LPAR1: variants seen among roughly 807,000 people sequenced by gnomAD.
LPAR1 encodes lysophosphatidic acid receptor 1, also known as LPA receptor 1.
LPAR1 carries 5 observed loss-of-function variants against 23.8 expected under a neutral mutation model. The observed-to-expected ratio is 0.21, with a 90% confidence interval of 0.11 to 0.44. The LOEUF (loss-of-function observed/expected upper bound fraction) is 0.44. LPAR1 is among the 20% of genes least tolerant of loss of function. LPAR1 has a pLI of 0.99. For missense variants in LPAR1, 311 were observed against 482.8 expected (o/e 0.64, Z 3.33); for synonymous variants, 160 against 164.7 (o/e 0.97, Z 0.22).
Position 110,945,795 on chromosome 9 carries a change from C to T in LPAR1, c.46-3627G>A, listed in dbSNP as rs562348509. Among the ~76,000 whole-genome samples, 157 of 152,238 alleles carry T rather than the reference C, an allele frequency of 1.0e-3. No individual in the cohort carries two copies. In the Middle Eastern group the frequency reaches 0.017, roughly 17 times the overall value. On this transcript the variant is annotated intron_variant, in intron 4 of 5. Coordinates refer to ENST00000683809, the MANE Select transcript of LPAR1 (RefSeq NM_001351411.2). ...GCCCACATCTCTTGGCTCATGGCTA[C>T]CTGTCATCTTCAAAAGCTAGTAATG...
At chr9:110,960,085 T>C in intron 4 of LPAR1, among the ~76,000 whole-genome samples, 1 of 152,178 alleles carries the variant, frequency 6.6e-6, no homozygotes, top group East Asian at 1.9e-4. Context: ...TAACATTCGA[T>C]AGCAGAGTAG....
intron 5 of LPAR1, among the ~76,000 whole-genome samples, chr9:110,899,385 C>A (rs1317936365): frequency 6.6e-6 from 1 of 152,122 alleles, no homozygotes; most frequent in Non-Finnish European, 1.5e-5. Flanking sequence ...TAAATAATAT[C>A]AAGCAGCTAT....
At chr9:111,023,209 C>T (rs2097598609) in intron 2 of LPAR1, among the ~76,000 whole-genome samples, 1 of 152,134 alleles carries the variant, frequency 6.6e-6, no homozygotes, top group Non-Finnish European at 1.5e-5. Context: ...AAGCCACAAA[C>T]AGGAAGGCCT....
intron 2 of LPAR1, among the ~76,000 whole-genome samples, chr9:110,982,722 G>A (rs370271086): frequency 2.0e-5 from 3 of 151,686 alleles, no homozygotes; most frequent in Non-Finnish European, 2.9e-5. Context: ...ACAAAAATAA[G>A]TGGAACAGAA....
intron 2 of LPAR1, among the ~76,000 whole-genome samples, chr9:111,020,166 G>C (rs973286930): frequency 1.3e-5 from 2 of 152,104 alleles, no homozygotes; most frequent in African/African-American, 4.8e-5. Flanking sequence ...TGGGGGTTAG[G>C]GCTCCAACAT....
chr9:111,029,267 A>G (rs770908050), intron 2 of LPAR1, among the ~76,000 whole-genome samples: 6 of 152,222 alleles, frequency 3.9e-5, no homozygotes, highest in Non-Finnish European at 7.3e-5. Flanking sequence ...TCAAATTGCC[A>G]GCCACCAGCT....
At chr9:110,961,748 G>T (rs10817123) in intron 4 of LPAR1, among the ~76,000 whole-genome samples, 1 of 151,790 alleles carries the variant, frequency 6.6e-6, no homozygotes, top group Non-Finnish European at 1.5e-5. Context: ...GTACATGGCC[G>T]CAGGCAAGAG....
chr9:110,930,497 C>A (rs541317269), intron 5 of LPAR1, among the ~76,000 whole-genome samples: 131 of 151,922 alleles, frequency 8.6e-4, no homozygotes, highest in African/African-American at 3.1e-3. Context: ...ACAACAAGAG[C>A]AAAACTCCAT....
At chr9:110,895,525 C>CTGACCT (rs2086021771) in intron 5 of LPAR1, among the ~76,000 whole-genome samples, 1 of 152,162 alleles carries the variant, frequency 6.6e-6, no homozygotes, top group African/African-American at 2.4e-5. Flanking sequence ...ATGACAGGGC[C>CTGACCT]TGACCTAGTT....
intron 5 of LPAR1, among the ~76,000 whole-genome samples, chr9:110,932,353 T>C (rs1280329761): frequency 6.6e-6 from 1 of 152,216 alleles, no homozygotes; most frequent in Non-Finnish European, 1.5e-5. Flanking sequence ...TATTAATAAA[T>C]AGCATTTTCT....
At chr9:110,891,319 T>C (rs1404931737) in intron 5 of LPAR1, among the ~76,000 whole-genome samples, 2 of 152,200 alleles carry the variant, frequency 1.3e-5, no homozygotes, top group Admixed American at 1.3e-4. Flanking sequence ...TTACATAACT[T>C]TTAAGAAAAA....
At chr9:110,878,024 C>T (rs991660602) in intron 5 of LPAR1, among the ~76,000 whole-genome samples, 41 of 152,142 alleles carry the variant, frequency 2.7e-4, no homozygotes, top group African/African-American at 9.7e-4. Context: ...AGACTGAAGG[C>T]AGGAAGTGGG....
At chr9:111,019,824 G>A (rs540361171) in intron 2 of LPAR1, among the ~76,000 whole-genome samples, 1 of 152,282 alleles carries the variant, frequency 6.6e-6, no homozygotes. Context: ...CAGCCTGGGC[G>A]ACAGAGTGAG....
At chr9:110,929,333 T>A (rs2094243495) in intron 5 of LPAR1, among the ~76,000 whole-genome samples, 1 of 151,378 alleles carries the variant, frequency 6.6e-6, no homozygotes. Context: ...AAAAACAATA[T>A]CAAAGGTACC....
At chr9:111,002,406 T>C (rs1054537404) in intron 2 of LPAR1, among the ~76,000 whole-genome samples, 3 of 152,194 alleles carry the variant, frequency 2.0e-5, no homozygotes, top group Non-Finnish European at 4.4e-5. Context: ...TAACAGTAAA[T>C]CACGGTAATA....
At chr9:110,962,752 A>C (rs2096051726) in intron 4 of LPAR1, among the ~76,000 whole-genome samples, 1 of 152,186 alleles carries the variant, frequency 6.6e-6, no homozygotes, top group African/African-American at 2.4e-5. Flanking sequence ...ATGAAATGGG[A>C]TAAGTTTAAC....
At chr9:110,976,961 C>T (rs914066510) in intron 2 of LPAR1, among the ~76,000 whole-genome samples, 1 of 152,050 alleles carries the variant, frequency 6.6e-6, no homozygotes, top group African/African-American at 2.4e-5. Flanking sequence ...TTTCTTTGTG[C>T]CAGATTACCA....
At chr9:110,889,239 T>G (rs571029900) in intron 5 of LPAR1, among the ~76,000 whole-genome samples, 1 of 152,136 alleles carries the variant, frequency 6.6e-6, no homozygotes, top group African/African-American at 2.4e-5. Context: ...GCGCCTGTAG[T>G]CTCAGCTACT....
intron 4 of LPAR1, among the ~76,000 whole-genome samples, chr9:110,961,603 G>C (rs994854523): frequency 3.4e-5 from 4 of 118,784 alleles, no homozygotes; most frequent in African/African-American, 1.3e-4. Flanking sequence ...CTGGGTGACA[G>C]AGCGAGACTA....
Sources: allele counts gnomAD v4.1 joint callset (sites outside exome capture counted in the v4.1 genomes callset), GRCh38; gene constraint gnomAD v4.1.1; transcripts MANE v1.5; gene names NCBI Gene and HGNC (gene_info 2026-07-23, HGNC 2026-07-21).